The following LTBP1 variants were observed in gnomAD, a reference collection of about 807,000 sequenced individuals.
The protein encoded by LTBP1 is latent transforming growth factor beta binding protein 1, also known as latent-transforming growth factor beta-binding protein 1.
A neutral mutation model predicts 207.6 loss-of-function variants in LTBP1; 129 were observed. The observed-to-expected ratio is 0.62, with a 90% confidence interval of 0.54 to 0.72. The LOEUF is 0.72. Among genes scored for constraint, LTBP1 ranks in the 30% least tolerant of loss-of-function variants. LTBP1 has a pLI of 0.00. For missense variants in LTBP1, 2,281 were observed against 2,217.2 expected, an observed-to-expected ratio of 1.03 and a Z score of -0.58; for synonymous variants, 963 against 833.7, an observed-to-expected ratio of 1.16 and a Z score of -2.67.
rs755448700 is a variant in LTBP1 at position 32,947,765 on chromosome 2, C to A, written c.441C>A (p.Thr147=). The A allele has an allele frequency of 1.3e-6, 2 of 1,519,680 alleles. No individual in the cohort carries two copies. The highest frequency in any genetic ancestry group is 1.8e-6 in the Non-Finnish European group (2 of 1,132,262). 94.1% of individuals were successfully genotyped at this position (1,519,680 alleles called of 1,614,324 possible). A position where few individuals can be genotyped will look rare whatever the true frequency, so the allele number is the denominator to read the frequency against. Residue 147 remains threonine (T), a synonymous_variant, in exon 1 of 34, where the codon ACC becomes ACA. Transcript: ENST00000404816. ...QVVRSKVPQE[T]QSGGGSRLQV... ...TGCGCTCCAAGGTGCCGCAGGAGAC[C>A]CAGAGCGGCGGAGGCTCTAGGCTGC...
intron 26 of LTBP1, among the ~76,000 whole-genome samples, chr2:33,350,950 A>C (rs2094773119): frequency 6.6e-6 from 1 of 152,170 alleles, no homozygotes; most frequent in Admixed American, 6.6e-5. Flanking sequence ...TTATTCTTAA[A>C]ACAGAAGGTA....
chr2:33,200,256 T>C (rs924257973), intron 7 of LTBP1, among the ~76,000 whole-genome samples: 37 of 152,176 alleles, frequency 2.4e-4, no homozygotes, highest in Non-Finnish European at 4.3e-4. Flanking sequence ...CAAAACAGCG[T>C]GGTACTGGTA....
At position 33,280,111 on chromosome 2, in the gene LTBP1, G is replaced by T. The variant is rs753406172; in HGVS notation, c.3065G>T (p.Cys1022Phe). 1 of 1,614,096 alleles carries T rather than the reference G, an allele frequency of 6.2e-7. No homozygotes were observed. The highest frequency in any genetic ancestry group is 8.5e-7 in the Non-Finnish European group (1 of 1,179,956). The change falls in exon 19 of 34, where the codon TGC becomes TTC. Residue 1022 changes from cysteine (C) to phenylalanine (F), a missense_variant. Cys to Phe is a radical substitution (Grantham distance 205). This residue lies in a region of LTBP1 where 1,671 missense variants were observed against 1,634.8 expected (regional missense o/e 1.02). Transcript: ENST00000404816. ...GTGAATTCTCCTGGATCTTACCAGT[G>T]CGTTCCCTGCACAGAAGGATTCCGA... ...QCVNSPGSYQ[C>F]VPCTEGFRGW...
intron 3 of LTBP1, among the ~76,000 whole-genome samples, chr2:33,101,589 A>G (rs2079743347): frequency 6.6e-6 from 1 of 152,206 alleles, no homozygotes; most frequent in Non-Finnish European, 1.5e-5. Flanking sequence ...TTTGGTTCTT[A>G]GAATTCAGTT....
At chr2:33,044,286 C>G (rs1036950208) in intron 3 of LTBP1, among the ~76,000 whole-genome samples, 4 of 151,946 alleles carry the variant, frequency 2.6e-5, no homozygotes, top group African/African-American at 9.7e-5. Flanking sequence ...ACTGACAGGC[C>G]CTGGTGTGTG....
chr2:33,165,179 C>G (rs1451197600), intron 5 of LTBP1, among the ~76,000 whole-genome samples: 1 of 152,114 alleles, frequency 6.6e-6, no homozygotes, highest in Non-Finnish European at 1.5e-5. Context: ...ATCAGAATGT[C>G]CCTCCTGGCT....
chr2:33,388,576 A>G (rs181612306), intron 31 of LTBP1, among the ~76,000 whole-genome samples: 1 of 152,302 alleles, frequency 6.6e-6, no homozygotes, highest in Admixed American at 6.5e-5. Flanking sequence ...CAAGCATTAT[A>G]TGACTGGTAG....
chr2:33,238,891 C>G (rs1225342821), intron 9 of LTBP1, among the ~76,000 whole-genome samples: 2 of 152,150 alleles, frequency 1.3e-5, no homozygotes, highest in Non-Finnish European at 2.9e-5. Context: ...TCGCATCATT[C>G]CCATGTACTG....
chr2:33,324,899 G>T (rs1429555851), intron 24 of LTBP1, among the ~76,000 whole-genome samples: 1 of 151,888 alleles, frequency 6.6e-6, no homozygotes, highest in Non-Finnish European at 1.5e-5. Context: ...TAGAGACAGG[G>T]TTTCACTCTG....
chr2:33,251,171 C>G (rs537103928), intron 10 of LTBP1, among the ~76,000 whole-genome samples: 1 of 152,156 alleles, frequency 6.6e-6, no homozygotes, highest in African/African-American at 2.4e-5. Context: ...GCCTCATCCT[C>G]GGCAAAATTT....
chr2:33,172,736 T>C (rs1173384708), intron 5 of LTBP1, among the ~76,000 whole-genome samples: 4 of 152,150 alleles, frequency 2.6e-5, no homozygotes, highest in Non-Finnish European at 4.4e-5. Context: ...TATTCCAAAA[T>C]TGACCACATA....
intron 31 of LTBP1, among the ~76,000 whole-genome samples, chr2:33,382,290 T>C (rs2095225283): frequency 6.6e-6 from 1 of 151,978 alleles, no homozygotes; most frequent in Non-Finnish European, 1.5e-5. Flanking sequence ...AGACGGGGTT[T>C]CACCATATTG....
intron 3 of LTBP1, among the ~76,000 whole-genome samples, chr2:33,052,502 A>C (rs1187168176): frequency 6.6e-6 from 1 of 152,220 alleles, no homozygotes; most frequent in Non-Finnish European, 1.5e-5. Context: ...AAATAATTAA[A>C]ATCTAGTGTT....
At chr2:33,040,456 T>G (rs2076127839) in intron 3 of LTBP1, among the ~76,000 whole-genome samples, 1 of 152,340 alleles carries the variant, frequency 6.6e-6, no homozygotes, top group Non-Finnish European at 1.5e-5. Context: ...AGAGGAGCTT[T>G]GCAGCAGGTG....
chr2:33,351,569 C>T (rs893577762), intron 26 of LTBP1, among the ~76,000 whole-genome samples: 2 of 152,218 alleles, frequency 1.3e-5, no homozygotes, highest in Admixed American at 6.5e-5. Flanking sequence ...AAAGGACATC[C>T]ATATTCCCCT....
At chr2:33,354,872 C>G (rs867163691) in intron 26 of LTBP1, among the ~76,000 whole-genome samples, 17 of 152,254 alleles carry the variant, frequency 1.1e-4, no homozygotes, top group South Asian at 1.0e-3. Context: ...TCCTGAGTAG[C>G]TAGGATTACA....
At chr2:33,166,434 T>A (rs545291507) in intron 5 of LTBP1, among the ~76,000 whole-genome samples, 10 of 152,350 alleles carry the variant, frequency 6.6e-5, no homozygotes, top group African/African-American at 2.2e-4. Context: ...TTTCTAGTCC[T>A]TATTAGTGAT....
At chr2:33,378,981 A>C (rs6719824) in intron 31 of LTBP1, among the ~76,000 whole-genome samples, 26,240 of 152,112 alleles carry the variant, frequency 0.17, 3,809 homozygotes, top group African/African-American at 0.39. Flanking sequence ...TTGTTCTGCT[A>C]AGCATCAGTA....
At chr2:33,111,988 GT>G (rs2080439159) in intron 4 of LTBP1, among the ~76,000 whole-genome samples, 1 of 152,154 alleles carries the variant, frequency 6.6e-6, no homozygotes, top group African/African-American at 2.4e-5. Context: ...TATTTCTTGA[GT>G]ATATGTGTAA....
Sources: allele counts gnomAD v4.1 joint callset (sites outside exome capture counted in the v4.1 genomes callset), GRCh38; gene constraint gnomAD v4.1.1; regional missense constraint gnomAD v4.1.1; transcripts MANE v1.5; gene names NCBI Gene and HGNC (gene_info 2026-07-23, HGNC 2026-07-21).